ADARB2: variants seen among roughly 807,000 people sequenced by gnomAD.
The protein encoded by ADARB2 is adenosine deaminase RNA specific B2 (inactive), also known as inactive double-stranded RNA-specific editase B2.
Under a neutral mutation model 62.2 loss-of-function variants are expected in ADARB2, and 25 were observed. The observed-to-expected ratio is 0.40, with a 90% CI of 0.29 to 0.56. The LOEUF is 0.56. Ranked by LOEUF, ADARB2 falls within the 20% of genes least tolerant of loss-of-function variation. The probability of loss-of-function intolerance (pLI) is 0.43; values close to 1 mark genes in which losing one functional copy is unlikely to be tolerated. For synonymous variants in ADARB2, 572 were observed against 500.8 expected, an observed-to-expected ratio of 1.14 and a Z score of -1.90; for missense variants, 1,071 against 1,077.4, an observed-to-expected ratio of 0.99 and a Z score of 0.08.
chr10:1,633,934 T>C (rs1178123629), intron 1 of ADARB2, among the ~76,000 whole-genome samples: 1 of 152,156 alleles, frequency 6.6e-6, no homozygotes, highest in Non-Finnish European at 1.5e-5. Flanking sequence ...CGACCCGCCA[T>C]CCTACATGGC....
rs117685541 is a variant in ADARB2, at chr10:1,695,663, G to A, written c.100+41388C>T. 1.6e-3 allele frequency among the ~76,000 whole-genome samples: 238 copies of A among 152,216 alleles called. 4 individuals carry two copies. The East Asian group carries it at 0.035, about 23-fold the overall frequency. On this transcript the variant is annotated intron_variant, in intron 1 of 9. Transcript: ENST00000381312. Reference sequence around the variant, plus strand: ...TACACATAAACATGCATGCGAGAGCGTATGTGCATGTATGCAAGAAACATG... The same window carrying A: ...TACACATAAACATGCATGCGAGAGCATATGTGCATGTATGCAAGAAACATG...
chr10:1,662,580 C>A (rs2119090168), intron 1 of ADARB2, among the ~76,000 whole-genome samples: 1 of 152,314 alleles, frequency 6.6e-6, no homozygotes, highest in African/African-American at 2.4e-5. Flanking sequence ...GGTAATTTTA[C>A]CACAGCTATT....
intron 1 of ADARB2, among the ~76,000 whole-genome samples, chr10:1,446,690 T>A (rs760243645): frequency 2.0e-5 from 3 of 152,226 alleles, no homozygotes; most frequent in Non-Finnish European, 4.4e-5. Flanking sequence ...TTCATACTTT[T>A]TAAAGGAATA....
At chr10:1,471,576 A>G (rs910865496) in intron 1 of ADARB2, among the ~76,000 whole-genome samples, 4 of 151,892 alleles carry the variant, frequency 2.6e-5, no homozygotes, top group Non-Finnish European at 5.9e-5. Context: ...TATTTTTAGT[A>G]AAGACAGTGT....
intron 4 of ADARB2, among the ~76,000 whole-genome samples, chr10:1,254,747 A>G (rs764833585): frequency 3.9e-5 from 6 of 152,228 alleles, no homozygotes; most frequent in Non-Finnish European, 8.8e-5. Context: ...TGGTTTGGCA[A>G]TTTGAAAGAG....
intron 3 of ADARB2, among the ~76,000 whole-genome samples, chr10:1,280,908 C>G (rs1421104415): frequency 6.6e-6 from 1 of 152,110 alleles, no homozygotes; most frequent in African/African-American, 2.4e-5. Flanking sequence ...GGGTTGGGGC[C>G]AGGGTGAAGG....
rs555566282 is a variant in ADARB2 at position 1,691,177 on chromosome 10, A to C, written c.100+45874T>G. Reference sequence around the variant, plus strand: ...CATCCAATAGGACTTGGGTCCTGATAAGAAGAGGAGATTGGGGCACAGACA... The same window carrying C: ...CATCCAATAGGACTTGGGTCCTGATCAGAAGAGGAGATTGGGGCACAGACA... On this transcript the variant is annotated intron_variant, in intron 1 of 9. Coordinates refer to ENST00000381312, the MANE Select transcript of ADARB2 (RefSeq NM_018702.4). Among the ~76,000 whole-genome samples the C allele has an allele frequency of 1.1e-4, 16 of 152,232 alleles. No homozygotes were observed. The South Asian group carries it at 3.3e-3, about 32-fold the overall frequency.
intron 4 of ADARB2, among the ~76,000 whole-genome samples, chr10:1,262,926 G>A (rs71216961): frequency 6.1e-4 from 93 of 152,154 alleles, no homozygotes; most frequent in African/African-American, 1.9e-3. Context: ...TGTGGCACAT[G>A]TACACCATGG....
chr10:1,617,964 T>C (rs1389170635), intron 1 of ADARB2, among the ~76,000 whole-genome samples: 1 of 152,262 alleles, frequency 6.6e-6, no homozygotes, highest in Non-Finnish European at 1.5e-5. Context: ...TTCCCTGAGT[T>C]CAGTGAATTG....
At chr10:1,675,257 G>T (rs1408470374) in intron 1 of ADARB2, 1 of 982,768 alleles carries the variant, frequency 1.0e-6, no homozygotes, top group Non-Finnish European at 1.2e-6. Flanking sequence ...AGGGATGCAT[G>T]GATGTTCTGG....
intron 1 of ADARB2, among the ~76,000 whole-genome samples, chr10:1,673,420 A>T (rs1834419290): frequency 6.6e-6 from 1 of 151,774 alleles, no homozygotes; most frequent in Non-Finnish European, 1.5e-5. Context: ...TCCTAAATGA[A>T]CGTTCATAAT....
chr10:1,216,642 A>C (rs1830624419), intron 7 of ADARB2: 1 of 396,744 alleles, frequency 2.5e-6, no homozygotes, highest in Non-Finnish European at 4.6e-6. Flanking sequence ...CGGCAGCCTC[A>C]GGCCAGGCTG....
intron 3 of ADARB2, among the ~76,000 whole-genome samples, chr10:1,293,620 T>G (rs2131812942): frequency 6.6e-6 from 1 of 152,302 alleles, no homozygotes; most frequent in South Asian, 2.1e-4. Flanking sequence ...CCAAAACTAA[T>G]TTATTTTTTG....
At chr10:1,223,862 A>G (rs1830719151) in intron 6 of ADARB2, among the ~76,000 whole-genome samples, 1 of 152,216 alleles carries the variant, frequency 6.6e-6, no homozygotes, top group African/African-American at 2.4e-5. Flanking sequence ...AATGCTCATC[A>G]AGGATATTGG....
chr10:1,486,422 G>T (rs191026333), intron 1 of ADARB2, among the ~76,000 whole-genome samples: 1 of 152,072 alleles, frequency 6.6e-6, no homozygotes, highest in South Asian at 2.1e-4. Context: ...CTGGAGAGTC[G>T]AACAATATAG....
chr10:1,341,191 CAATAACCA>C, intron 3 of ADARB2, among the ~76,000 whole-genome samples: 2 of 151,224 alleles, frequency 1.3e-5, no homozygotes, highest in African/African-American at 4.9e-5. Context: ...CCCACAGCGG[CAATAACCA>C]GCATCCACCA....
At chr10:1,334,687 C>T (rs1241285708) in intron 3 of ADARB2, among the ~76,000 whole-genome samples, 1 of 152,186 alleles carries the variant, frequency 6.6e-6, no homozygotes, top group Non-Finnish European at 1.5e-5. Context: ...AAAGTTTCTT[C>T]AAGAAGTCAA....
At chr10:1,302,171 A>T (rs1480398735) in intron 3 of ADARB2, among the ~76,000 whole-genome samples, 2 of 152,112 alleles carry the variant, frequency 1.3e-5, no homozygotes, top group Non-Finnish European at 2.9e-5. Flanking sequence ...GTGGGTGCGC[A>T]CACCGTGCGC....
At chr10:1,463,002 G>A (rs11250536) in intron 1 of ADARB2, among the ~76,000 whole-genome samples, 28,999 of 122,422 alleles carry the variant, frequency 0.24, 2,957 homozygotes, top group Middle Eastern at 0.37. Flanking sequence ...GGGAAAGTAC[G>A]TTTCTGGGGT....
Sources: gnomAD v4.1 joint callset for allele counts (sites outside exome capture counted in the v4.1 genomes callset) on GRCh38, gnomAD v4.1.1 for gene constraint, MANE v1.5 for transcripts, NCBI Gene and HGNC (gene_info 2026-07-23, HGNC 2026-07-21) for gene names.